Variants in CBR4 observed in about 807,000 individuals in gnomAD.
CBR4 encodes the protein 3-oxoacyl-[acyl-carrier-protein] reductase.
Under a neutral mutation model 21.0 loss-of-function variants are expected in CBR4, and 22 were observed. The ratio of observed to expected loss-of-function variants is 1.05; its 90% CI spans 0.75 to 1.50. CBR4 has a LOEUF of 1.50. CBR4 is among the 40% of genes most tolerant of loss of function. The pLI, the probability that CBR4 is intolerant of heterozygous loss-of-function variation, is 0.00. For missense variants in CBR4, 302 were observed against 286.3 expected (o/e 1.05, Z -0.40); for synonymous variants, 100 against 104.4 (o/e 0.96, Z 0.26).
At chr4:168,932,751 C>T (rs554853717) in intron 2 of CBR4, among the ~76,000 whole-genome samples, 47 of 151,280 alleles carry the variant, frequency 3.1e-4, no homozygotes, top group African/African-American at 8.2e-4. Flanking sequence ...CCTTACAGGC[C>T]GGGAAAAAAA....
chr4:168,959,567 T>TC (rs1290983076), intron 2 of CBR4, among the ~76,000 whole-genome samples: 91 of 148,466 alleles, frequency 6.1e-4, no homozygotes, highest in Non-Finnish European at 1.2e-3. Flanking sequence ...ATTTCTTTTT[T>TC]TTTTTTTTTT....
intron 2 of CBR4, chr4:168,926,729 T>G (rs1762624470): frequency 3.3e-6 from 1 of 306,404 alleles, no homozygotes; most frequent in South Asian, 6.1e-5. Context: ...ACACAAGATA[T>G]AGGTGCTGTG....
intron 2 of CBR4, among the ~76,000 whole-genome samples, chr4:168,944,499 TAAAA>T (rs924541731): frequency 6.7e-6 from 1 of 150,290 alleles, no homozygotes; most frequent in Non-Finnish European, 1.5e-5. Context: ...GAAGAAAATT[TAAAA>T]AAAAGAGAGA....
At chr4:168,917,088 GC>G (rs1198853450) in intron 2 of CBR4, among the ~76,000 whole-genome samples, 1 of 116,384 alleles carries the variant, frequency 8.6e-6, no homozygotes, top group Non-Finnish European at 1.7e-5. Flanking sequence ...TCCCTCTGTT[GC>G]CCAGGCTGGA....
chr4:168,935,719 C>T (rs1402439189), intron 2 of CBR4, among the ~76,000 whole-genome samples: 1 of 152,218 alleles, frequency 6.6e-6, no homozygotes, highest in Non-Finnish European at 1.5e-5. Context: ...TAGATTCCTC[C>T]TCTCTGGGCA....
chr4:169,009,802 C>T (rs1318601842), intron 1 of CBR4, 146 bp downstream of exon 1: 7 of 730,196 alleles, frequency 9.6e-6, no homozygotes, highest in Admixed American at 3.2e-5. Flanking sequence ...ACGCATTCTA[C>T]CCTTGGAACG....
At chr4:168,960,406 A>G (rs1026482911) in intron 2 of CBR4, among the ~76,000 whole-genome samples, 1 of 152,242 alleles carries the variant, frequency 6.6e-6, no homozygotes, top group East Asian at 1.9e-4. Flanking sequence ...TGAGTAAATC[A>G]TTTTAATATA....
chr4:168,938,807 G>T (rs951808257), intron 2 of CBR4, among the ~76,000 whole-genome samples: 4 of 152,056 alleles, frequency 2.6e-5, no homozygotes, highest in Non-Finnish European at 4.4e-5. Context: ...GTAATTAATA[G>T]CCTAACAACC....
intron 2 of CBR4, chr4:168,924,235 T>A (rs748648194): frequency 5.6e-6 from 9 of 1,607,132 alleles, no homozygotes; most frequent in Non-Finnish European, 7.7e-6. Flanking sequence ...TGATAGAGAA[T>A]TCATCTCATG....
intron 2 of CBR4, among the ~76,000 whole-genome samples, chr4:168,976,793 G>A (rs1239749985): frequency 2.0e-5 from 3 of 152,172 alleles, no homozygotes; most frequent in Admixed American, 2.0e-4. Context: ...GTTAGGGTGG[G>A]GCAGGAACAA....
intron 2 of CBR4, among the ~76,000 whole-genome samples, chr4:168,952,432 T>G (rs1304720079): frequency 6.6e-6 from 1 of 152,164 alleles, no homozygotes; most frequent in Non-Finnish European, 1.5e-5. Context: ...AGAAATTTCT[T>G]CTTGGTTTGG....
At chr4:168,924,885 T>G (rs757105205) in intron 2 of CBR4, 1 of 1,565,500 alleles carries the variant, frequency 6.4e-7, no homozygotes, top group Non-Finnish European at 8.8e-7. Context: ...AAATGATGCT[T>G]CATGTCCAAA....
At position 168,924,344 on chromosome 4, in the gene CBR4, G is replaced by A; in HGVS notation, n.170-29579C>T. 6.2e-7 allele frequency: 1 copy of A among 1,613,930 alleles called. No homozygotes were observed. Among genetic ancestry groups the A allele is most frequent in the South Asian group, 1.1e-5 (1 of 91,076 alleles). ...GTACCCAGTGCGGCTGGAATGTCGT[G>A]TATTGGGAGTGCCACCACCTCAGAT... On this transcript the variant is annotated intron_variant and non_coding_transcript_variant, in intron 2 of 3. Transcript: ENST00000509108.
chr4:168,926,471 AACAT>A, intron 2 of CBR4: 1 of 916,706 alleles, frequency 1.1e-6, no homozygotes, highest in Non-Finnish European at 1.6e-6. Context: ...AAAAGGCAGA[AACAT>A]ACCTTTGACT....
chr4:168,944,403 A>G (rs1335200532), intron 2 of CBR4, among the ~76,000 whole-genome samples: 1 of 152,024 alleles, frequency 6.6e-6, no homozygotes, highest in Middle Eastern at 3.2e-3. Flanking sequence ...GCTTGAGCCC[A>G]GGAGTTTGAA....
At chr4:168,981,121 C>T (rs1401475653) in intron 2 of CBR4, among the ~76,000 whole-genome samples, 1 of 152,106 alleles carries the variant, frequency 6.6e-6, no homozygotes, top group East Asian at 1.9e-4. Context: ...AGAACCAGGC[C>T]AGGCGTGGTG....
At chr4:168,922,096 T>TACAC (rs1464630467) in intron 2 of CBR4, among the ~76,000 whole-genome samples, 13 of 104,888 alleles carry the variant, frequency 1.2e-4, no homozygotes, top group African/African-American at 3.8e-4. Flanking sequence ...TATATATATA[T>TACAC]ATATATACAC....
intron 2 of CBR4, chr4:168,894,851 A>G: frequency 1.0e-6 from 1 of 976,320 alleles, no homozygotes; most frequent in Admixed American, 2.6e-5. Context: ...AGCACATACT[A>G]TGTTAAGTGA....
intron 2 of CBR4, chr4:168,925,107 C>T (rs762959871): frequency 2.2e-5 from 35 of 1,609,154 alleles, no homozygotes; most frequent in South Asian, 4.4e-5. Flanking sequence ...CATTTCATTG[C>T]GTTTACTCAT....
Sources: gnomAD v4.1 joint callset for allele counts (sites outside exome capture counted in the v4.1 genomes callset) on GRCh38, gnomAD v4.1.1 for gene constraint, MANE v1.5 for transcripts, NCBI Gene and HGNC (gene_info 2026-07-23, HGNC 2026-07-21) for gene names.